Variants in SINHCAF observed in about 807,000 individuals in gnomAD.
SINHCAF encodes SIN3-HDAC complex-associated factor.
SINHCAF carries 3 observed loss-of-function variants against 25.8 expected under a neutral mutation model. The ratio of observed to expected loss-of-function variants is 0.12; its 90% confidence interval spans 0.05 to 0.30. The LOEUF is 0.30. Ranked by LOEUF, SINHCAF falls within the 10% of genes least tolerant of loss-of-function variation. SINHCAF has a pLI of 1.00. For missense variants in SINHCAF, 121 were observed against 262.3 expected, an observed-to-expected ratio of 0.46 and a Z score of 3.72; for synonymous variants, 70 against 85.5, an observed-to-expected ratio of 0.82 and a Z score of 1.00.
rs369386796 is a variant in SINHCAF, at chr12:31,291,584, C to T, written c.355+2221G>A. 5.0e-4 allele frequency among the ~76,000 whole-genome samples: 76 copies of T among 152,178 alleles called. No homozygotes were observed. In the East Asian group the frequency reaches 0.012, roughly 24 times the overall value. ...TTCAAGACCAGCCTGGCCAACATGG[C>T]GAAACTCTGTCTCTACTAAAAATAC... On this transcript the variant is annotated intron_variant, in intron 4 of 5. Coordinates refer to ENST00000337682, the MANE Select transcript of SINHCAF (RefSeq NM_001135812.2).
chr12:31,283,991 G>A (rs1422405966), intron 5 of SINHCAF, among the ~76,000 whole-genome samples: 1 of 151,912 alleles, frequency 6.6e-6, no homozygotes, highest in Non-Finnish European at 1.5e-5. Flanking sequence ...ATTCTACCCT[G>A]TGAATATATA....
intron 1 of SINHCAF, chr12:31,323,977 C>G (rs1482679903): frequency 2.2e-6 from 1 of 455,852 alleles, no homozygotes; most frequent in Non-Finnish European, 4.4e-6. Context: ...TCGGGCACTC[C>G]GGTGACTGCC....
intron 1 of SINHCAF, among the ~76,000 whole-genome samples, chr12:31,314,341 G>A (rs1172127717): frequency 1.3e-5 from 2 of 151,886 alleles, no homozygotes; most frequent in African/African-American, 2.4e-5. Context: ...TGCCTAACAC[G>A]GTGAAACCCT....
intron 5 of SINHCAF, among the ~76,000 whole-genome samples, chr12:31,283,605 A>C (rs1262133573): frequency 6.6e-6 from 1 of 152,090 alleles, no homozygotes; most frequent in Non-Finnish European, 1.5e-5. Flanking sequence ...TCTGTCTCAA[A>C]AAAAAACAAA....
intron 2 of SINHCAF, 54 bp from the exon 3 acceptor site, chr12:31,295,387 T>C (rs979164405): frequency 8.5e-7 from 1 of 1,170,718 alleles, no homozygotes; most frequent in Admixed American, 2.0e-5. Context: ...AAAGAATTCA[T>C]GCAAGCACAT....
At chr12:31,297,441 T>TGAGCCACTGCACCC (rs1291087468) in intron 2 of SINHCAF, among the ~76,000 whole-genome samples, 6 of 151,248 alleles carry the variant, frequency 4.0e-5, no homozygotes, top group African/African-American at 1.5e-4. Context: ...ATTACTAGCG[T>TGAGCCACTGCACCC]GAGCCACTGC....
At position 31,298,601 on chromosome 12, in the gene SINHCAF, C is replaced by T. The variant is rs75518796; in HGVS notation, c.-20-377G>A. 8.2e-3 allele frequency: 2,024 copies of T among 246,864 alleles called. 21 individuals carry two copies. Among genetic ancestry groups the T allele is most frequent in the East Asian group, 0.034 (331 of 9,696 alleles). The allele number at this position is 246,864 out of a possible 1,614,324, so 15.3% of individuals were successfully genotyped here. On this transcript the variant is annotated intron_variant, in intron 1 of 5. Transcript: ENST00000337682. ...GATGCATCCTTAAATTTAAGACACA[C>T]CTTTTTATTTTGCACATTTGCATTA...
At chr12:31,310,869 T>A (rs1229588370) in intron 1 of SINHCAF, among the ~76,000 whole-genome samples, 1 of 150,736 alleles carries the variant, frequency 6.6e-6, no homozygotes, top group Admixed American at 6.6e-5. Context: ...TAATCTACGA[T>A]CTTTTTTTTT....
intron 5 of SINHCAF, among the ~76,000 whole-genome samples, chr12:31,285,662 T>G (rs1326234713): frequency 5.9e-5 from 9 of 152,084 alleles, no homozygotes; most frequent in Admixed American, 5.9e-4. Flanking sequence ...TTTCACATAA[T>G]GCTTCACAGA....
At chr12:31,293,763 CA>C (rs781432518) in intron 4 of SINHCAF, 41 bp downstream of exon 4, 16 of 1,522,020 alleles carry the variant, frequency 1.1e-5, no homozygotes, top group South Asian at 1.3e-5. Context: ...CCAAAAATAA[CA>C]AAACAATTAT....
intron 4 of SINHCAF, among the ~76,000 whole-genome samples, chr12:31,292,594 G>GT (rs1312435879): frequency 6.6e-6 from 1 of 152,054 alleles, no homozygotes; most frequent in Non-Finnish European, 1.5e-5. Flanking sequence ...GTTAGGAAAG[G>GT]TAAGTGTATA....
In SINHCAF at chr12:31,285,418, TACAC is replaced by T. The variant is rs71444392; in HGVS notation, c.506+2212_506+2215del. ...ATAGACATATATTTATATATATACA[TACAC>T]ACACACACACACACACACACACACA... is the stretch of plus-strand genomic sequence containing the variant. On this transcript the variant is annotated intron_variant, in intron 5 of 5. Coordinates refer to ENST00000337682, the MANE Select transcript of SINHCAF (RefSeq NM_001135812.2). Among the ~76,000 whole-genome samples the T allele has an allele frequency of 2.6e-3, 368 of 141,438 alleles. 3 individuals are homozygous for T. Among genetic ancestry groups the T allele is most frequent in the South Asian group, 5.6e-3 (24 of 4,310 alleles). 92.8% of individuals were successfully genotyped at this position (141,438 alleles called of 152,430 possible).
At chr12:31,288,562 C>T (rs999232494) in intron 4 of SINHCAF, among the ~76,000 whole-genome samples, 1 of 152,076 alleles carries the variant, frequency 6.6e-6, no homozygotes, top group Non-Finnish European at 1.5e-5. Flanking sequence ...TAACAAGGAG[C>T]CTCCCCCTCC....
At position 31,295,213 on chromosome 12, in the gene SINHCAF, A is replaced by G. The variant is rs764123746; in HGVS notation, c.228+21T>C. On this transcript the variant is annotated intron_variant, in intron 3 of 5. Transcript: ENST00000337682. ...TAAATACAGTAGAGGTATAATTGAG[A>G]AAAAAGAAAGATGGACTAACATGAT... The G allele has an allele frequency of 5.6e-5, 85 of 1,505,266 alleles. No homozygotes were observed. In the East Asian group the frequency reaches 1.8e-3, roughly 32 times the overall value. 93.2% of individuals were successfully genotyped at this position (1,505,266 alleles called of 1,614,324 possible).
chr12:31,285,454 C>CACACACACACACAT (rs1555110962), intron 5 of SINHCAF, among the ~76,000 whole-genome samples: 1 of 151,040 alleles, frequency 6.6e-6, no homozygotes, highest in Non-Finnish European at 1.5e-5. Flanking sequence ...CACACACACA[C>CACACACACACACAT]ATAAATAAAT....
chr12:31,304,402 G>C (rs2137107409), intron 1 of SINHCAF: 1 of 152,272 alleles, frequency 6.6e-6, no homozygotes, highest in South Asian at 2.1e-4. Context: ...TGGACATTCA[G>C]TTGCCAGTTA....
intron 4 of SINHCAF, among the ~76,000 whole-genome samples, chr12:31,288,655 C>T (rs1233704092): frequency 2.0e-5 from 3 of 152,118 alleles, no homozygotes; most frequent in Non-Finnish European, 4.4e-5. Context: ...GGTGAGGCCC[C>T]TCCCTCTTTC....
intron 1 of SINHCAF, among the ~76,000 whole-genome samples, chr12:31,308,531 A>G (rs1939127759): frequency 6.6e-6 from 1 of 152,128 alleles, no homozygotes; most frequent in Non-Finnish European, 1.5e-5. Context: ...ATTAAAGTTT[A>G]CCCTTAATGT....
At chr12:31,311,564 G>A (rs541340064) in intron 1 of SINHCAF, 169 of 297,062 alleles carry the variant, frequency 5.7e-4, no homozygotes, top group South Asian at 3.0e-3. Context: ...CTGGGACCGA[G>A]CATGAGCAAG....
Sources: gnomAD v4.1 joint callset for allele counts (sites outside exome capture counted in the v4.1 genomes callset) on GRCh38, gnomAD v4.1.1 for gene constraint, MANE v1.5 for transcripts, NCBI Gene and HGNC (gene_info 2026-07-23, HGNC 2026-07-21) for gene names.